Variants in CGNL1 observed in about 807,000 individuals in gnomAD.
The protein encoded by CGNL1 is cingulin like 1.
CGNL1 carries 132 observed loss-of-function variants against 141.2 expected under a neutral mutation model. That is an observed-to-expected ratio of 0.93 (90% CI 0.81 to 1.08). CGNL1 has a LOEUF of 1.08. CGNL1 is among the 50% of genes least tolerant of loss of function. CGNL1 has a pLI of 0.00. For missense variants in CGNL1, 1,870 were observed against 1,588.6 expected, an observed-to-expected ratio of 1.18 and a Z score of -3.01; for synonymous variants, 690 against 622.1, an observed-to-expected ratio of 1.11 and a Z score of -1.63.
At chr15:57,376,894 C>G (rs548505919) in intron 1 of CGNL1, 1 of 152,378 alleles carries the variant, frequency 6.6e-6, no homozygotes, top group Non-Finnish European at 1.5e-5. Context: ...TGCCTTCGCA[C>G]CCCTGCCTGG....
At chr15:57,388,263 T>C (rs1384814274) in intron 1 of CGNL1, among the ~76,000 whole-genome samples, 3 of 151,930 alleles carry the variant, frequency 2.0e-5, no homozygotes, top group Admixed American at 1.3e-4. Flanking sequence ...CAGGCTGCTT[T>C]AGCTTCAGGG....
chr15:57,420,027 G>T (rs79067897), intron 1 of CGNL1, among the ~76,000 whole-genome samples: 1 of 152,118 alleles, frequency 6.6e-6, no homozygotes, highest in Non-Finnish European at 1.5e-5. Flanking sequence ...TTGGGCCATT[G>T]GGAGATCTTT....
At chr15:57,453,983 G>A (rs1449651312) in intron 7 of CGNL1, among the ~76,000 whole-genome samples, 165 bp downstream of exon 7, 2 of 152,082 alleles carry the variant, frequency 1.3e-5, no homozygotes, top group African/African-American at 4.8e-5. Flanking sequence ...TCTCCTCTCA[G>A]CTTGGCATTT....
chr15:57,466,143 A>G (rs545303941), intron 8 of CGNL1, among the ~76,000 whole-genome samples: 1 of 152,196 alleles, frequency 6.6e-6, no homozygotes, highest in Non-Finnish European at 1.5e-5. Context: ...CTGTTAGGAG[A>G]GTATATCTAC....
intron 8 of CGNL1, among the ~76,000 whole-genome samples, chr15:57,473,893 CTTCTTCTTTTTTTT>C (rs1818083050): frequency 1.8e-5 from 2 of 108,158 alleles, no homozygotes; most frequent in African/African-American, 3.4e-5. Flanking sequence ...TCTTCTTCTT[CTTCTTCTTTTTTTT>C]TTTTTTTTTT....
At chr15:57,546,302 T>C (rs2032864962) in intron 18 of CGNL1, 63 bp downstream of exon 18, 1 of 1,473,646 alleles carries the variant, frequency 6.8e-7, no homozygotes, top group African/African-American at 1.4e-5. Context: ...CAGGCTCTGC[T>C]TTCAGAGCAT....
At chr15:57,387,860 G>A (rs1460049929) in intron 1 of CGNL1, among the ~76,000 whole-genome samples, 2 of 152,202 alleles carry the variant, frequency 1.3e-5, no homozygotes, top group African/African-American at 4.8e-5. Flanking sequence ...GGAGGCCTGG[G>A]CCAGATTTGT....
At chr15:57,534,114 G>A (rs949779133) in intron 14 of CGNL1, among the ~76,000 whole-genome samples, 5 of 152,196 alleles carry the variant, frequency 3.3e-5, no homozygotes, top group Admixed American at 6.5e-5. Flanking sequence ...ATCCAGAAGC[G>A]TCTGACTCAC....
At chr15:57,459,903 A>G (rs182344037) in intron 7 of CGNL1, among the ~76,000 whole-genome samples, 1 of 152,322 alleles carries the variant, frequency 6.6e-6, no homozygotes, top group East Asian at 1.9e-4. Context: ...GGACATCCAG[A>G]TGGGTTCATC....
chr15:57,455,598 G>T (rs1280413), intron 7 of CGNL1, among the ~76,000 whole-genome samples: 1 of 152,088 alleles, frequency 6.6e-6, no homozygotes, highest in Non-Finnish European at 1.5e-5. Flanking sequence ...GCTTCTTTCC[G>T]CATTTCACAT....
chr15:57,518,580 C>A, intron 10 of CGNL1, 83 bp downstream of exon 10: 1 of 920,164 alleles, frequency 1.1e-6, no homozygotes, highest in Non-Finnish European at 1.7e-6. Flanking sequence ...GGAGATTGTC[C>A]TTGGCCCTCT....
chr15:57,513,386 A>G (rs1345748131), intron 8 of CGNL1, among the ~76,000 whole-genome samples: 1 of 152,094 alleles, frequency 6.6e-6, no homozygotes, highest in Non-Finnish European at 1.5e-5. Context: ...TGGCCAAATA[A>G]TATTCCATTC....
intron 1 of CGNL1, among the ~76,000 whole-genome samples, chr15:57,428,773 C>A (rs1187313836): frequency 6.6e-6 from 1 of 152,112 alleles, no homozygotes; most frequent in East Asian, 1.9e-4. Context: ...GCCTGTATTC[C>A]CAGCACTTTT....
At chr15:57,425,687 G>A in intron 1 of CGNL1, among the ~76,000 whole-genome samples, 1 of 149,212 alleles carries the variant, frequency 6.7e-6, no homozygotes, top group Middle Eastern at 3.4e-3. Context: ...ATTGCAATGA[G>A]CTGAGGCTGT....
At position 57,407,576 on chromosome 15, in the gene CGNL1, G is replaced by A. The variant is rs112010231; in HGVS notation, c.-15-30409G>A. ...TGGTCCCAGCTACTTGAGAGGCTGA[G>A]GCAGGAGGGTCACTTGACCTTGGGA... On this transcript the variant is annotated intron_variant, in intron 1 of 18. Coordinates refer to ENST00000281282, the MANE Select transcript of CGNL1 (RefSeq NM_032866.5). Among the ~76,000 whole-genome samples, 8 of 152,190 alleles carry A rather than the reference G, an allele frequency of 5.3e-5. 1 individual carries two copies. Among genetic ancestry groups the A allele is most frequent in the African/African-American group, 1.9e-4 (8 of 41,536 alleles).
At chr15:57,545,023 G>T (rs573385877) in intron 16 of CGNL1, among the ~76,000 whole-genome samples, 2 of 152,200 alleles carry the variant, frequency 1.3e-5, no homozygotes, top group African/African-American at 4.8e-5. Flanking sequence ...AGATGGGGCA[G>T]GTCCTCCCGC....
intron 1 of CGNL1, among the ~76,000 whole-genome samples, chr15:57,400,756 G>A (rs565182845): frequency 1.3e-5 from 2 of 151,726 alleles, no homozygotes; most frequent in Non-Finnish European, 2.9e-5. Flanking sequence ...GGTGGCGCCT[G>A]CCTGTAATCC....
intron 8 of CGNL1, among the ~76,000 whole-genome samples, chr15:57,472,398 G>T (rs142290839): frequency 6.6e-6 from 1 of 152,130 alleles, no homozygotes; most frequent in Non-Finnish European, 1.5e-5. Context: ...TGGAGCATCC[G>T]AAGGACAGAT....
At chr15:57,542,307 AAT>A (rs1169902130) in intron 14 of CGNL1, among the ~76,000 whole-genome samples, 1 of 152,108 alleles carries the variant, frequency 6.6e-6, no homozygotes, top group African/African-American at 2.4e-5. Flanking sequence ...TGGATCCTGG[AAT>A]TCGTTTTCAT....
Sources: gnomAD v4.1 joint callset for allele counts (sites outside exome capture counted in the v4.1 genomes callset) on GRCh38, gnomAD v4.1.1 for gene constraint, MANE v1.5 for transcripts, NCBI Gene and HGNC (gene_info 2026-07-23, HGNC 2026-07-21) for gene names.